Variants in LIPI observed in about 807,000 individuals in gnomAD.
LIPI encodes lipase member I.
LIPI carries 59 observed loss-of-function variants against 50.6 expected under a neutral mutation model. The ratio of observed to expected loss-of-function variants is 1.16; its 90% CI spans 0.94 to 1.45. LIPI has a LOEUF of 1.45. Among genes scored for constraint, LIPI ranks in the 40% most tolerant of loss-of-function variants. The probability of loss-of-function intolerance (pLI) is 0.00; values close to 1 mark genes in which losing one functional copy is unlikely to be tolerated. For missense variants in LIPI, 586 were observed against 536.3 expected (o/e 1.09, Z -0.92); for synonymous variants, 203 against 178.2 (o/e 1.14, Z -1.11).
chr21:14,185,893 A>G (rs2019436532), intron 3 of LIPI, 68 bp downstream of exon 3: 1 of 987,430 alleles, frequency 1.0e-6, no homozygotes. Context: ...AAAAAAAAAA[A>G]AATTAGCAAA....
At chr21:14,176,222 A>C (rs2019092264) in intron 4 of LIPI, among the ~76,000 whole-genome samples, 2 of 151,732 alleles carry the variant, frequency 1.3e-5, no homozygotes, top group East Asian at 3.8e-4. Flanking sequence ...TAAATTTTAA[A>C]ATAATAATTA....
intron 2 of LIPI, among the ~76,000 whole-genome samples, chr21:14,188,665 GAA>G (rs956485505): frequency 1.3e-5 from 2 of 150,920 alleles, no homozygotes; most frequent in Admixed American, 6.6e-5. Context: ...AAAGATACCT[GAA>G]GATTGTAATA....
intron 4 of LIPI, among the ~76,000 whole-genome samples, chr21:14,166,886 T>C (rs568391339): frequency 1.3e-5 from 2 of 152,148 alleles, no homozygotes; most frequent in Non-Finnish European, 2.9e-5. Context: ...CAGCGCACCA[T>C]GTGCAAGCCG....
At chr21:14,168,722 A>G (rs944921110) in intron 4 of LIPI, among the ~76,000 whole-genome samples, 5 of 152,236 alleles carry the variant, frequency 3.3e-5, no homozygotes, top group African/African-American at 1.2e-4. Context: ...GAAGCACTAA[A>G]CATGGAAAGG....
intron 1 of LIPI, among the ~76,000 whole-genome samples, chr21:14,194,117 C>G (rs74726640): frequency 0.016 from 2,471 of 152,162 alleles, 53 homozygotes; most frequent in South Asian, 0.03. Context: ...TATTATGATA[C>G]TTGCTAAAAA....
At chr21:14,147,139 A>C (rs2123072519) in intron 8 of LIPI, among the ~76,000 whole-genome samples, 1 of 152,128 alleles carries the variant, frequency 6.6e-6, no homozygotes, top group South Asian at 2.1e-4. Flanking sequence ...ATGCTTCTCT[A>C]TGCTTCAGAT....
chr21:14,109,506 A>G (rs531048639), intron 9 of LIPI, among the ~76,000 whole-genome samples: 1 of 152,190 alleles, frequency 6.6e-6, no homozygotes, highest in African/African-American at 2.4e-5. Context: ...ACCTACTAAA[A>G]TGGAAATAAT....
At chr21:14,188,153 G>T (rs1476991527) in intron 2 of LIPI, among the ~76,000 whole-genome samples, 1 of 152,094 alleles carries the variant, frequency 6.6e-6, no homozygotes, top group Non-Finnish European at 1.5e-5. Context: ...CTCCCTAAGG[G>T]TTGACTTAAT....
At chr21:14,159,152 G>A (rs939734653) in intron 7 of LIPI, among the ~76,000 whole-genome samples, 2 of 151,322 alleles carry the variant, frequency 1.3e-5, no homozygotes, top group African/African-American at 2.4e-5. Flanking sequence ...TATTATTATA[G>A]TAGTACGAAT....
intron 4 of LIPI, among the ~76,000 whole-genome samples, chr21:14,170,405 CA>C (rs1289724293): frequency 1.3e-5 from 2 of 151,702 alleles, no homozygotes; most frequent in Non-Finnish European, 2.9e-5. Flanking sequence ...GGCAGAGACA[CA>C]ACAAAAAAAG....
intron 4 of LIPI, among the ~76,000 whole-genome samples, chr21:14,179,707 C>T (rs1361479920): frequency 6.6e-6 from 1 of 152,134 alleles, no homozygotes; most frequent in Non-Finnish European, 1.5e-5. Flanking sequence ...TTATGCCTGT[C>T]TTTACTTTAA....
At chr21:14,185,562 G>T (rs1206338660) in intron 3 of LIPI, among the ~76,000 whole-genome samples, 2 of 152,258 alleles carry the variant, frequency 1.3e-5, no homozygotes, top group Non-Finnish European at 1.5e-5. Flanking sequence ...TTTCTATTGA[G>T]TAATTATTGT....
intron 9 of LIPI, among the ~76,000 whole-genome samples, chr21:14,110,365 A>G (rs968367272): frequency 2.8e-5 from 4 of 145,340 alleles, no homozygotes; most frequent in Non-Finnish European, 4.4e-5. Context: ...TTTATTTTAA[A>G]TTCATAAAAT....
intron 7 of LIPI, among the ~76,000 whole-genome samples, chr21:14,160,633 A>G (rs1446806704): frequency 1.3e-5 from 2 of 151,580 alleles, no homozygotes; most frequent in African/African-American, 4.8e-5. Flanking sequence ...CATACCTAAA[A>G]TAATGATCAA....
intron 1 of LIPI, among the ~76,000 whole-genome samples, chr21:14,192,963 T>A (rs887310019): frequency 2.0e-5 from 3 of 152,136 alleles, no homozygotes; most frequent in African/African-American, 7.2e-5. Flanking sequence ...ATATGACAAA[T>A]AAAAACAGTT....
chr21:14,136,926 T>A (rs1043909211), intron 9 of LIPI, among the ~76,000 whole-genome samples: 2 of 152,168 alleles, frequency 1.3e-5, no homozygotes, highest in East Asian at 3.9e-4. Context: ...CAAGAGTCTC[T>A]GCTGGTAATC....
At chr21:14,202,719 C>T (rs1326192386) in intron 1 of LIPI, among the ~76,000 whole-genome samples, 1 of 152,068 alleles carries the variant, frequency 6.6e-6, no homozygotes, top group East Asian at 1.9e-4. Flanking sequence ...AGACCTAAAA[C>T]CATAAAAACC....
At chr21:14,119,571 T>C (rs989380135) in intron 9 of LIPI, among the ~76,000 whole-genome samples, 1 of 152,082 alleles carries the variant, frequency 6.6e-6, no homozygotes, top group African/African-American at 2.4e-5. Context: ...AACCTTTATA[T>C]GAGGCGATGA....
At chr21:14,146,623 C>G (rs1257974817) in intron 8 of LIPI, among the ~76,000 whole-genome samples, 3 of 152,088 alleles carry the variant, frequency 2.0e-5, no homozygotes. Flanking sequence ...TGGCCTCAAC[C>G]TGACTGCCAC....
Sources: gnomAD v4.1 joint callset for allele counts (sites outside exome capture counted in the v4.1 genomes callset) on GRCh38, gnomAD v4.1.1 for gene constraint, MANE v1.5 for transcripts, NCBI Gene and HGNC (gene_info 2026-07-23, HGNC 2026-07-21) for gene names.